Variants in MTARC1 observed in about 807,000 individuals in gnomAD.
The protein encoded by MTARC1 is mitochondrial amidoxime reducing component 1.
MTARC1 carries 24 observed loss-of-function variants against 33.6 expected under a neutral mutation model. The ratio of observed to expected loss-of-function variants is 0.72; its 90% CI spans 0.52 to 1.01. The LOEUF is 1.01. MTARC1 is among the 50% of genes least tolerant of loss of function. The pLI is 0.00. For synonymous variants in MTARC1, 187 were observed against 189.5 expected (o/e 0.99, Z 0.11); for missense variants, 417 against 445.7 (o/e 0.94, Z 0.58).
intron 3 of MTARC1, 21 bp from the exon 4 acceptor site, chr1:220,797,853 C>A (rs1331431527): frequency 6.8e-6 from 11 of 1,612,794 alleles, no homozygotes; most frequent in Non-Finnish European, 7.6e-6. Context: ...TGTGTTATAA[C>A]AATGTCTATT....
chr1:220,787,252 A>T, intron 1 of MTARC1, 33 bp downstream of exon 1: 1 of 1,539,618 alleles, frequency 6.5e-7, no homozygotes, highest in East Asian at 2.5e-5. Flanking sequence ...GGCAGCGCTG[A>T]TCCGGCTCGG....
chr1:220,790,370 A>G (rs1354760422), intron 1 of MTARC1, among the ~76,000 whole-genome samples: 6 of 152,332 alleles, frequency 3.9e-5, no homozygotes, highest in African/African-American at 1.4e-4. Context: ...TGAAAGCAGG[A>G]ACCATGGAGG....
rs1046006534 is a variant in MTARC1 at position 220,807,139 on chromosome 1, C to CA, written c.887+1875dup. On this transcript the variant is annotated intron_variant, in intron 6 of 6. Coordinates refer to ENST00000366910, the MANE Select transcript of MTARC1 (RefSeq NM_022746.4). Reference sequence around the variant, plus strand: ...ATTTCATTCCATGTAACTTTCACCTCAAAAAAAAAAGCAAATAATGGTTTT... The same window carrying CA: ...ATTTCATTCCATGTAACTTTCACCTCAAAAAAAAAAAGCAAATAATGGTTTT... Among the ~76,000 whole-genome samples the CA allele has an allele frequency of 1.9e-3, 280 of 144,240 alleles. 1 individual carries two copies. Among genetic ancestry groups the CA allele is most frequent in the African/African-American group, 5.5e-3 (216 of 39,188 alleles). 94.6% of individuals were successfully genotyped at this position (144,240 alleles called of 152,430 possible). A position where few individuals can be genotyped will look rare whatever the true frequency, so the allele number is the denominator to read the frequency against.
At chr1:220,793,039 G>T (rs1239071303) in intron 2 of MTARC1, 2 of 152,132 alleles carry the variant, frequency 1.3e-5, no homozygotes, top group African/African-American at 4.8e-5. Context: ...GGTTTTGCTT[G>T]AAATAAGAAT....
intron 4 of MTARC1, among the ~76,000 whole-genome samples, chr1:220,800,785 A>G (rs917518078): frequency 6.6e-6 from 1 of 152,082 alleles, no homozygotes; most frequent in African/African-American, 2.4e-5. Flanking sequence ...CTCAGCACAC[A>G]ACAGCTCTGA....
intron 1 of MTARC1, among the ~76,000 whole-genome samples, chr1:220,788,968 T>C (rs1672332886): frequency 1.3e-5 from 2 of 152,190 alleles, no homozygotes; most frequent in Admixed American, 6.5e-5. Context: ...CCAGACACTA[T>C]GATAAATTCT....
At chr1:220,798,982 G>A (rs1243271107) in intron 4 of MTARC1, 4 of 985,218 alleles carry the variant, frequency 4.1e-6, no homozygotes, top group Admixed American at 6.2e-5. Flanking sequence ...AAGATGTGAC[G>A]GCTGGTTTCA....
In MTARC1 at chr1:220,798,118, T is replaced by C. The variant is rs779595353; in HGVS notation, c.753+104T>C. The C allele has an allele frequency of 5.4e-5, 87 of 1,611,446 alleles. 2 individuals are homozygous for C. In the South Asian group the frequency reaches 9.3e-4, roughly 17 times the overall value. On this transcript the variant is annotated intron_variant, in intron 4 of 6. Coordinates refer to ENST00000366910, the MANE Select transcript of MTARC1 (RefSeq NM_022746.4). Reference sequence around the variant, plus strand: ...ATTATTCTGAAGGGTGCATTATTTATCAACTCTGTAATACATAACAATTTG... The same window carrying C: ...ATTATTCTGAAGGGTGCATTATTTACCAACTCTGTAATACATAACAATTTG...
At chr1:220,790,191 A>T (rs1672378333) in intron 1 of MTARC1, among the ~76,000 whole-genome samples, 2 of 152,178 alleles carry the variant, frequency 1.3e-5, no homozygotes, top group South Asian at 4.1e-4. Context: ...TGGGGTCTAT[A>T]CGTAGGAGTG....
intron 2 of MTARC1, among the ~76,000 whole-genome samples, chr1:220,794,757 G>C (rs12026135): frequency 0.02 from 3,091 of 152,112 alleles, 51 homozygotes; most frequent in East Asian, 0.06. Context: ...TTTGTAAATG[G>C]TCTCATTACT....
chr1:220,799,807 C>G (rs1219233249), intron 4 of MTARC1, among the ~76,000 whole-genome samples: 1 of 152,226 alleles, frequency 6.6e-6, no homozygotes, highest in Admixed American at 6.5e-5. Context: ...CCGTACAAGC[C>G]TGGACAGGTC....
chr1:220,797,903 GA>G lies in MTARC1; in HGVS notation c.643del (p.Ile215SerfsTer14). On this transcript the variant is annotated frameshift_variant, in exon 4 of 7. Coordinates refer to ENST00000366910, the MANE Select transcript of MTARC1 (RefSeq NM_022746.4). LOFTEE classifies it high-confidence loss of function. Reference protein sequence around the residue: ...IAYSDTSPFLILSEASLADLN... With the variant: ...IAYSDTSPFLXLSEASLADLN... The stretch of plus-strand genomic sequence containing the variant: ...CTTACTCAGACACCAGCCCATTCTT[GA>G]TCCTTTCTGAGGCGTCGCTGGCGGA... 6.2e-7 allele frequency: 1 copy of G among 1,614,192 alleles called. No individual in the cohort carries two copies. The highest frequency in any genetic ancestry group is 8.5e-7 in the Non-Finnish European group (1 of 1,180,036).
chr1:220,807,694 T>C (rs140767217), intron 6 of MTARC1, among the ~76,000 whole-genome samples: 1 of 152,298 alleles, frequency 6.6e-6, no homozygotes, highest in African/African-American at 2.4e-5. Context: ...ACCATTTGCC[T>C]GCTTGAGAAT....
chr1:220,811,039 C>T (rs974095419), intron 6 of MTARC1, among the ~76,000 whole-genome samples: 4 of 152,224 alleles, frequency 2.6e-5, no homozygotes, highest in African/African-American at 9.6e-5. Flanking sequence ...CTCCAACTCT[C>T]AATTTCTCCC....
At chr1:220,813,203 C>G in intron 6 of MTARC1, 89 bp from the exon 7 acceptor site, 1 of 1,567,206 alleles carries the variant, frequency 6.4e-7, no homozygotes, top group Non-Finnish European at 8.8e-7. Flanking sequence ...GCTGTGCGTG[C>G]GGAGGCCCTG....
intron 1 of MTARC1, among the ~76,000 whole-genome samples, chr1:220,790,182 G>A (rs1672378248): frequency 6.6e-6 from 1 of 152,072 alleles, no homozygotes; most frequent in Admixed American, 6.5e-5. Context: ...TCAGTTCTTT[G>A]GGGTCTATAC....
At chr1:220,807,918 G>A (rs932870595) in intron 6 of MTARC1, among the ~76,000 whole-genome samples, 5 of 152,084 alleles carry the variant, frequency 3.3e-5, no homozygotes, top group Non-Finnish European at 7.4e-5. Context: ...CAGGAGACCT[G>A]GATGTGCAGC....
At chr1:220,812,444 T>C (rs1673164027) in intron 6 of MTARC1, among the ~76,000 whole-genome samples, 2 of 152,264 alleles carry the variant, frequency 1.3e-5, no homozygotes, top group Middle Eastern at 3.4e-3. Flanking sequence ...GAAAAGAGGT[T>C]GGTTAAGAAG....
chr1:220,786,937 A>C lies in MTARC1; in HGVS notation c.-8A>C. The C allele has an allele frequency of 8.1e-7, 1 of 1,235,710 alleles. No homozygotes were observed. Among genetic ancestry groups the C allele is most frequent in the Non-Finnish European group, 1.0e-6 (1 of 991,362 alleles). 76.5% of individuals were successfully genotyped at this position (1,235,710 alleles called of 1,614,324 possible). A position where few individuals can be genotyped will look rare whatever the true frequency, so the allele number is the denominator to read the frequency against. Reference sequence around the variant, plus strand: ...CCTTGCCGCCGCCACCTCGCGGAGAAGCCAGCCATGGGCGCCGCCGGCTCC... The same window carrying C: ...CCTTGCCGCCGCCACCTCGCGGAGACGCCAGCCATGGGCGCCGCCGGCTCC... On this transcript the variant is annotated 5_prime_UTR_variant, in exon 1 of 7. Coordinates refer to ENST00000366910, the MANE Select transcript of MTARC1 (RefSeq NM_022746.4).
Sources: allele counts gnomAD v4.1 joint callset (sites outside exome capture counted in the v4.1 genomes callset), GRCh38; gene constraint gnomAD v4.1.1; transcripts MANE v1.5; gene names NCBI Gene and HGNC (gene_info 2026-07-23, HGNC 2026-07-21).